Variants in SRD5A2 observed in about 807,000 individuals in gnomAD.
SRD5A2 encodes steroid 5 alpha-reductase 2.
A neutral mutation model predicts 27.4 loss-of-function variants in SRD5A2; 30 were observed. The ratio of observed to expected loss-of-function variants is 1.10; its 90% CI spans 0.82 to 1.49. SRD5A2 has a LOEUF of 1.49. Ranked by LOEUF, SRD5A2 falls within the 40% of genes most tolerant of loss-of-function variation. SRD5A2 has a pLI of 0.00. For synonymous variants in SRD5A2, 141 were observed against 133.6 expected (o/e 1.06, Z -0.38); for missense variants, 348 against 323.4 (o/e 1.08, Z -0.58).
At chr2:31,648,265 G>A in the SRD5A2 span, among the ~76,000 whole-genome samples, 1 of 152,190 alleles carries the variant, frequency 6.6e-6, no homozygotes, top group Non-Finnish European at 1.5e-5. Flanking sequence ...TACTCATTTT[G>A]GGAACAGCAG....
the SRD5A2 span, among the ~76,000 whole-genome samples, chr2:31,599,463 C>G: frequency 6.6e-6 from 1 of 152,018 alleles, no homozygotes; most frequent in African/African-American, 2.4e-5. Flanking sequence ...AGCATTTTCT[C>G]TGACCACAAT....
the SRD5A2 span, among the ~76,000 whole-genome samples, chr2:31,650,133 A>G: frequency 3.3e-5 from 5 of 152,102 alleles, no homozygotes; most frequent in Admixed American, 1.3e-4. Context: ...AATAGGATAA[A>G]CTATTTTCTG....
chr2:31,592,717 G>A, the SRD5A2 span, among the ~76,000 whole-genome samples: 1 of 152,312 alleles, frequency 6.6e-6, no homozygotes, highest in South Asian at 2.1e-4. Flanking sequence ...TTGACTTCCA[G>A]ATCTTTCCAC....
the SRD5A2 span, among the ~76,000 whole-genome samples, chr2:31,589,918 G>A: frequency 6.6e-6 from 1 of 152,170 alleles, no homozygotes; most frequent in Non-Finnish European, 1.5e-5. Flanking sequence ...ACTCAGTGCT[G>A]TTGGAGGGGC....
the SRD5A2 span, among the ~76,000 whole-genome samples, chr2:31,608,034 C>A: frequency 6.6e-6 from 1 of 152,004 alleles, no homozygotes; most frequent in Non-Finnish European, 1.5e-5. Context: ...GCACCTTGAC[C>A]TTTGGATTCC....
chr2:31,621,202 A>T, the SRD5A2 span, among the ~76,000 whole-genome samples: 7 of 152,046 alleles, frequency 4.6e-5, no homozygotes, highest in Non-Finnish European at 1.0e-4. Context: ...GATACAGAAT[A>T]ATGTCATCAC....
At chr2:31,661,616 C>T in the SRD5A2 span, among the ~76,000 whole-genome samples, 1 of 152,068 alleles carries the variant, frequency 6.6e-6, no homozygotes, top group Non-Finnish European at 1.5e-5. Flanking sequence ...TGTCTTTTAC[C>T]TTCTGTTTTC....
the SRD5A2 span, among the ~76,000 whole-genome samples, chr2:31,590,471 G>A: frequency 3.1e-3 from 478 of 152,200 alleles, 9 homozygotes; most frequent in Admixed American, 0.029. Context: ...TGATGGGTAG[G>A]AAGAATCAGT....
the SRD5A2 span, among the ~76,000 whole-genome samples, chr2:31,627,166 C>G: frequency 2.6e-5 from 4 of 152,086 alleles, no homozygotes; most frequent in African/African-American, 9.7e-5. Flanking sequence ...ATAGTATTAT[C>G]TCATGGTAGT....
chr2:31,655,086 C>T, the SRD5A2 span, among the ~76,000 whole-genome samples: 1 of 152,002 alleles, frequency 6.6e-6, no homozygotes, highest in African/African-American at 2.4e-5. Context: ...TTGAAATGTG[C>T]TTTTTTTAAT....
chr2:31,634,790 T>C, the SRD5A2 span, among the ~76,000 whole-genome samples: 1 of 152,150 alleles, frequency 6.6e-6, no homozygotes, highest in Non-Finnish European at 1.5e-5. Flanking sequence ...CGATATTTGT[T>C]TTTCTTTGTT....
At chr2:31,646,177 A>G in the SRD5A2 span, among the ~76,000 whole-genome samples, 3 of 151,700 alleles carry the variant, frequency 2.0e-5, no homozygotes, top group Non-Finnish European at 4.4e-5. Flanking sequence ...ACACACACAC[A>G]CACGCACACA....
intron 1 of SRD5A2, among the ~76,000 whole-genome samples, chr2:31,544,738 G>A (rs1666208396): frequency 6.6e-6 from 1 of 151,548 alleles, no homozygotes; most frequent in African/African-American, 2.4e-5. Flanking sequence ...AGAAAAACAA[G>A]GGTAAAACCA....
chr2:31,610,015 G>T, the SRD5A2 span, among the ~76,000 whole-genome samples: 1 of 151,948 alleles, frequency 6.6e-6, no homozygotes, highest in Non-Finnish European at 1.5e-5. Context: ...TAAAGAGACT[G>T]AATCAATAAT....
At chr2:31,643,936 G>A in the SRD5A2 span, among the ~76,000 whole-genome samples, 1 of 152,130 alleles carries the variant, frequency 6.6e-6, no homozygotes, top group Non-Finnish European at 1.5e-5. Context: ...ATCAATAGTT[G>A]CTAAAAATTC....
the SRD5A2 span, among the ~76,000 whole-genome samples, chr2:31,615,739 A>G: frequency 6.6e-6 from 1 of 152,222 alleles, no homozygotes; most frequent in African/African-American, 2.4e-5. Flanking sequence ...AATCCCCAAG[A>G]CAATGGGGAA....
the SRD5A2 span, among the ~76,000 whole-genome samples, chr2:31,598,239 C>T: frequency 5.3e-5 from 8 of 152,064 alleles, no homozygotes; most frequent in Non-Finnish European, 1.2e-4. Context: ...TAAGTAGGAG[C>T]TAAGCTATAA....
upstream of SRD5A2, among the ~76,000 whole-genome samples, chr2:31,585,034 G>A (rs1667151892): frequency 1.3e-5 from 2 of 152,170 alleles, no homozygotes; most frequent in East Asian, 1.9e-4. Flanking sequence ...TAAACTCAGT[G>A]TTGTCCTGTT....
At chr2:31,642,185 T>C in the SRD5A2 span, among the ~76,000 whole-genome samples, 1 of 152,076 alleles carries the variant, frequency 6.6e-6, no homozygotes, top group Non-Finnish European at 1.5e-5. Flanking sequence ...AAATTAGATG[T>C]CCATATACCA....
Sources: allele counts gnomAD v4.1 joint callset (sites outside exome capture counted in the v4.1 genomes callset), GRCh38; gene constraint gnomAD v4.1.1; transcripts MANE v1.5; gene names NCBI Gene and HGNC (gene_info 2026-07-23, HGNC 2026-07-21).